OR9Q1: variants seen among roughly 807,000 people sequenced by gnomAD.
OR9Q1 encodes the protein olfactory receptor 9Q1.
For missense variants in OR9Q1, 374 were observed against 378.8 expected (o/e 0.99, Z 0.11); for synonymous variants, 153 against 148.6 (o/e 1.03, Z -0.22).
chr11:58,085,753 A>G (rs569742461), intron 2 of OR9Q1, among the ~76,000 whole-genome samples: 13 of 151,984 alleles, frequency 8.6e-5, no homozygotes, highest in Non-Finnish European at 1.6e-4. Context: ...GCTCTTTACT[A>G]TAGACCATAA....
At chr11:58,119,503 T>G in intron 2 of OR9Q1, 1 of 1,137,932 alleles carries the variant, frequency 8.8e-7, no homozygotes, top group Non-Finnish European at 1.3e-6. Flanking sequence ...ATCTCAGAAT[T>G]GAAGGACAGA....
At chr11:58,042,367 T>G (rs1015948408) in intron 1 of OR9Q1, among the ~76,000 whole-genome samples, 1 of 152,088 alleles carries the variant, frequency 6.6e-6, no homozygotes, top group African/African-American at 2.4e-5. Flanking sequence ...TACATATGGC[T>G]AGCCAGTTTT....
chr11:58,164,829 T>C (rs764745511), intron 2 of OR9Q1, among the ~76,000 whole-genome samples: 7 of 152,192 alleles, frequency 4.6e-5, no homozygotes, highest in Non-Finnish European at 8.8e-5. Context: ...AACTCCTTAC[T>C]GTCCTTTGAA....
chr11:58,147,748 C>T lies in OR9Q1; in HGVS notation c.-14-31683C>T, dbSNP rs899362844. 2.0e-5 allele frequency among the ~76,000 whole-genome samples: 3 copies of T among 152,242 alleles called. No homozygotes were observed. The East Asian group carries it at 5.8e-4, about 29-fold the overall frequency. On this transcript the variant is annotated intron_variant, in intron 2 of 2. Transcript: ENST00000335397. ...CTGGGGAATGGTGTATGTTGTATTG[C>T]TATTTACATATATTAATAAATGAAT...
At chr11:58,170,352 C>G (rs1854543318) in intron 2 of OR9Q1, among the ~76,000 whole-genome samples, 1 of 152,094 alleles carries the variant, frequency 6.6e-6, no homozygotes, top group South Asian at 2.1e-4. Flanking sequence ...AAGAAAACAA[C>G]TCTTTATCAT....
At chr11:58,036,507 A>G (rs1853102269) in intron 1 of OR9Q1, among the ~76,000 whole-genome samples, 1 of 152,226 alleles carries the variant, frequency 6.6e-6, no homozygotes, top group Non-Finnish European at 1.5e-5. Flanking sequence ...GCTGCCATAG[A>G]TAGTGATTTC....
chr11:58,104,529 G>A (rs186774170), intron 2 of OR9Q1, among the ~76,000 whole-genome samples: 1 of 152,120 alleles, frequency 6.6e-6, no homozygotes, highest in Non-Finnish European at 1.5e-5. Context: ...GAATATGGGA[G>A]GAGTGATTTG....
chr11:58,146,329 A>G (rs1854298870), intron 2 of OR9Q1, among the ~76,000 whole-genome samples: 1 of 152,192 alleles, frequency 6.6e-6, no homozygotes, highest in African/African-American at 2.4e-5. Context: ...TCTGACTGCC[A>G]CTTTTTAATG....
At chr11:58,028,534 A>T (rs1425098034) in intron 1 of OR9Q1, among the ~76,000 whole-genome samples, 1 of 152,160 alleles carries the variant, frequency 6.6e-6, no homozygotes, top group African/African-American at 2.4e-5. Context: ...AGAGAATTTG[A>T]CTGTGAAACT....
At chr11:58,123,216 T>C (rs1854053205) in intron 2 of OR9Q1, among the ~76,000 whole-genome samples, 1 of 152,218 alleles carries the variant, frequency 6.6e-6, no homozygotes. Context: ...CTTTCAGCTA[T>C]AAATTTGTTT....
chr11:58,142,463 T>C (rs1446102935), intron 2 of OR9Q1, among the ~76,000 whole-genome samples: 2 of 152,134 alleles, frequency 1.3e-5, no homozygotes, highest in African/African-American at 2.4e-5. Flanking sequence ...AGATTTGGCC[T>C]TAAGTATAGA....
chr11:58,119,016 G>T, intron 2 of OR9Q1: 1 of 1,613,896 alleles, frequency 6.2e-7, no homozygotes, highest in South Asian at 1.1e-5. Context: ...CTACCACCAG[G>T]CTCCAGCAGA....
intron 1 of OR9Q1, among the ~76,000 whole-genome samples, chr11:58,043,482 A>T: frequency 6.6e-6 from 1 of 152,150 alleles, no homozygotes; most frequent in Non-Finnish European, 1.5e-5. Context: ...CCCATTTTCT[A>T]TAGAATAGAG....
intron 1 of OR9Q1, among the ~76,000 whole-genome samples, chr11:58,043,666 A>G (rs1403405269): frequency 6.6e-6 from 1 of 152,178 alleles, no homozygotes; most frequent in African/African-American, 2.4e-5. Flanking sequence ...ATTGCCTTTG[A>G]AACCTTGCTT....
At chr11:58,143,696 G>A (rs1202280610) in intron 2 of OR9Q1, among the ~76,000 whole-genome samples, 5 of 152,038 alleles carry the variant, frequency 3.3e-5, no homozygotes, top group African/African-American at 1.2e-4. Context: ...ACTGGGGCCT[G>A]TTGGGGAAGG....
intron 2 of OR9Q1, chr11:58,119,397 G>A (rs776360003): frequency 1.9e-5 from 31 of 1,613,516 alleles, no homozygotes; most frequent in Middle Eastern, 1.6e-4. Flanking sequence ...GGTCCATAAA[G>A]CCCATGAGAA....
At chr11:58,119,455 T>C (rs1230358063) in intron 2 of OR9Q1, 1 of 1,502,452 alleles carries the variant, frequency 6.7e-7, no homozygotes, top group South Asian at 1.2e-5. Context: ...GGAGACAATG[T>C]GGACTGTTGG....
At chr11:58,125,348 G>T (rs1289984180) in intron 2 of OR9Q1, 1 of 149,212 alleles carries the variant, frequency 6.7e-6, no homozygotes, top group Non-Finnish European at 1.5e-5. Context: ...GATGACAAAG[G>T]CAAGATTCTC....
intron 1 of OR9Q1, among the ~76,000 whole-genome samples, chr11:58,048,867 A>G (rs1439854853): frequency 4.4e-5 from 4 of 89,930 alleles, no homozygotes; most frequent in African/African-American, 1.7e-4. Context: ...ACATTCCTCG[A>G]CACATACACT....
Sources: allele counts gnomAD v4.1 joint callset (sites outside exome capture counted in the v4.1 genomes callset), GRCh38; gene constraint gnomAD v4.1.1; transcripts MANE v1.5; gene names NCBI Gene and HGNC (gene_info 2026-07-23, HGNC 2026-07-21).